The following SMAD4 variants were observed in gnomAD, a reference collection of about 807,000 sequenced individuals.
SMAD4 encodes the protein SMAD family member 4.
SMAD4 carries 7 observed loss-of-function variants against 63.2 expected under a neutral mutation model. The observed-to-expected ratio is 0.11, with a 90% CI of 0.06 to 0.21. The LOEUF (loss-of-function observed/expected upper bound fraction) is 0.21. SMAD4 is among the 10% of genes least tolerant of loss of function. The pLI is 1.00. For synonymous variants in SMAD4, 215 were observed against 235.4 expected, an observed-to-expected ratio of 0.91 and a Z score of 0.79; for missense variants, 312 against 693.8, an observed-to-expected ratio of 0.45 and a Z score of 6.18.
rs1001529600 is a variant in SMAD4, at chr18:51,082,237, G to T, written c.*3770G>T. 6 of 229,534 alleles carry T rather than the reference G, an allele frequency of 2.6e-5. No individual in the cohort carries two copies. The highest frequency in any genetic ancestry group is 4.3e-5 in the Non-Finnish European group (5 of 115,910). 14.2% of individuals were successfully genotyped at this position (229,534 alleles called of 1,614,324 possible). On this transcript the variant is annotated 3_prime_UTR_variant, in exon 12 of 12. Transcript: ENST00000342988. ...TAATGCATTTTTTTTTCCCGTAAAG[G>T]CAGAATCCATCTTGTTGCAGATAGC...
In SMAD4 at chr18:51,065,324, C is replaced by T. The variant is rs1358939985; in HGVS notation, c.956-99C>T. ...TGCATTACATTTCCATCTCCCCTCC[C>T]TTTACCCTTTCTTTTAGGAAAAACT... is the stretch of plus-strand genomic sequence containing the variant. On this transcript the variant is annotated intron_variant, in intron 8 of 11. Transcript: ENST00000342988. 3.1e-6 allele frequency: 3 copies of T among 970,962 alleles called. No homozygotes were observed. The South Asian group carries it at 3.9e-5, about 13-fold the overall frequency. 60.1% of individuals were successfully genotyped at this position (970,962 alleles called of 1,614,324 possible). A position where few individuals can be genotyped will look rare whatever the true frequency, so the allele number is the denominator to read the frequency against.
intron 7 of SMAD4, 125 bp from the exon 8 acceptor site, chr18:51,059,741 T>C: frequency 1.4e-6 from 1 of 732,210 alleles, no homozygotes; most frequent in East Asian, 2.7e-5. Flanking sequence ...TCTTAGACAT[T>C]GCATAAGCTT....
chr18:51,042,610 G>C (rs1909421777), intron 1 of SMAD4, among the ~76,000 whole-genome samples: 1 of 151,780 alleles, frequency 6.6e-6, no homozygotes, highest in African/African-American at 2.4e-5. Context: ...TGCCTTTGTT[G>C]CCAGGCTGGT....
At chr18:51,052,014 T>C (rs1909726692) in intron 4 of SMAD4, among the ~76,000 whole-genome samples, 1 of 152,110 alleles carries the variant, frequency 6.6e-6, no homozygotes, top group Non-Finnish European at 1.5e-5. Context: ...GGTTTCACCA[T>C]GTTGGCCGGC....
chr18:51,070,629 T>C (rs1599199562), intron 10 of SMAD4, among the ~76,000 whole-genome samples: 1 of 152,278 alleles, frequency 6.6e-6, no homozygotes, highest in Middle Eastern at 3.4e-3. Context: ...TCCAAAAATA[T>C]TAAATGAAAA....
At chr18:51,058,715 A>G (rs757390159) in intron 7 of SMAD4, among the ~76,000 whole-genome samples, 1 of 151,646 alleles carries the variant, frequency 6.6e-6, no homozygotes, top group East Asian at 1.9e-4. Flanking sequence ...ATTTCCATTC[A>G]TTTGTTTGTT....
intron 4 of SMAD4, chr18:51,051,251 G>A (rs769852130): frequency 3.5e-5 from 14 of 394,870 alleles, no homozygotes; most frequent in African/African-American, 1.5e-4. Context: ...GGGATTGTAC[G>A]GGTTGATAGC....
intron 4 of SMAD4, among the ~76,000 whole-genome samples, chr18:51,050,187 G>C (rs1909665945): frequency 6.6e-6 from 1 of 151,982 alleles, no homozygotes; most frequent in Non-Finnish European, 1.5e-5. Flanking sequence ...GTGAAACCCT[G>C]TCTTTACTAA....
intron 10 of SMAD4, among the ~76,000 whole-genome samples, chr18:51,068,656 T>C (rs1379144111): frequency 2.0e-5 from 3 of 152,206 alleles, no homozygotes; most frequent in East Asian, 3.8e-4. Flanking sequence ...TAGTGGCTCA[T>C]GCGTGTAATC....
At chr18:51,054,242 C>T (rs970023892) in intron 4 of SMAD4, 4 of 158,758 alleles carry the variant, frequency 2.5e-5, no homozygotes, top group African/African-American at 9.7e-5. Flanking sequence ...CTATAGGGGA[C>T]ATTACATTCA....
chr18:51,075,725 C>G (rs1424847444), intron 10 of SMAD4, among the ~76,000 whole-genome samples: 2 of 152,196 alleles, frequency 1.3e-5, no homozygotes, highest in East Asian at 3.8e-4. Flanking sequence ...CCCTTCCTTA[C>G]TATGCCAGTT....
In SMAD4 at chr18:51,083,122, G is replaced by A. The variant is rs1167445275; in HGVS notation, c.*4655G>A. ...TTGAAAGGTTTCATTGCTTCCACTTGAATGCTGCTCTTACAAAAACTGGGG... is the reference window on the plus strand; with the variant it reads ...TTGAAAGGTTTCATTGCTTCCACTTAAATGCTGCTCTTACAAAAACTGGGG... On this transcript the variant is annotated 3_prime_UTR_variant, in exon 12 of 12. Transcript: ENST00000342988. The A allele has an allele frequency of 4.4e-6, 1 of 225,982 alleles. No individual in the cohort carries two copies. The highest frequency in any genetic ancestry group is 5.7e-5 in the Admixed American group (1 of 17,558). The allele number at this position is 225,982 out of a possible 1,614,324, so 14.0% of individuals were successfully genotyped here.
At chr18:51,075,872 T>C (rs1351569027) in intron 10 of SMAD4, among the ~76,000 whole-genome samples, 1 of 152,180 alleles carries the variant, frequency 6.6e-6, no homozygotes, top group Non-Finnish European at 1.5e-5. Flanking sequence ...CATGAAAGTA[T>C]GTACACTTAG....
rs1474007516 is a variant in SMAD4, at chr18:51,058,449, A to T, written c.897A>T (p.Gly299=). The T allele has an allele frequency of 1.9e-6, 3 of 1,608,830 alleles. No individual in the cohort carries two copies. Among genetic ancestry groups the T allele is most frequent in the Non-Finnish European group, 2.5e-6 (3 of 1,177,336 alleles). ...ACCCGCCTATGCCGCCCCATCCCGG[A>T]CATTACTGTAAGCTCTTGTTTTTGT... ...QHHPPMPPHP[G]HYWPVHNELA... The change falls in exon 7 of 12, where the codon GGA becomes GGT. Residue 299 remains glycine (G), a synonymous_variant. Coordinates refer to ENST00000342988, the MANE Select transcript of SMAD4 (RefSeq NM_005359.6).
chr18:51,069,568 A>G (rs992413829), intron 10 of SMAD4, among the ~76,000 whole-genome samples: 1 of 152,130 alleles, frequency 6.6e-6, no homozygotes, highest in Non-Finnish European at 1.5e-5. Flanking sequence ...ATTTTGCCTT[A>G]CCCTGGCATC....
At chr18:51,076,100 T>C (rs1910465314) in intron 10 of SMAD4, among the ~76,000 whole-genome samples, 2 of 152,250 alleles carry the variant, frequency 1.3e-5, no homozygotes, top group African/African-American at 4.8e-5. Context: ...TTGTTGTTTC[T>C]TAAGTATTTT....
chr18:51,054,021 A>C (rs1331884102), intron 4 of SMAD4: 1 of 152,250 alleles, frequency 6.6e-6, no homozygotes, highest in Non-Finnish European at 1.5e-5. Flanking sequence ...CAGCAGAGCT[A>C]ACTATTTCCT....
intron 4 of SMAD4, chr18:51,052,262 A>G (rs1179928687): frequency 1.3e-5 from 2 of 152,616 alleles, no homozygotes; most frequent in East Asian, 1.9e-4. Flanking sequence ...TGATACTTCT[A>G]CATGGGAGGT....
Position 51,049,615 on chromosome 18 carries a change from T to A in SMAD4, c.454+291T>A, listed in dbSNP as rs182939830. ...ACAAATATAAAGAATATTTTTTGAG[T>A]TAAGACCTATTTTTGAAGAAAATCT... On this transcript the variant is annotated intron_variant, in intron 4 of 11. Coordinates refer to ENST00000342988, the MANE Select transcript of SMAD4 (RefSeq NM_005359.6). 1,511 of 349,828 alleles carry A rather than the reference T, an allele frequency of 4.3e-3. 28 individuals carry two copies. Among genetic ancestry groups the A allele is most frequent in the South Asian group, 0.032 (627 of 19,828 alleles). The allele number at this position is 349,828 out of a possible 1,614,324, so 21.7% of individuals were successfully genotyped here.
Sources: gnomAD v4.1 joint callset for allele counts (sites outside exome capture counted in the v4.1 genomes callset) on GRCh38, gnomAD v4.1.1 for gene constraint, MANE v1.5 for transcripts, NCBI Gene and HGNC (gene_info 2026-07-23, HGNC 2026-07-21) for gene names.